Variants in LETMD1 observed in about 807,000 individuals in gnomAD.
The protein encoded by LETMD1 is LETM1 domain containing 1.
Under a neutral mutation model 43.9 loss-of-function variants are expected in LETMD1, and 30 were observed. The ratio of observed to expected loss-of-function variants is 0.68; its 90% CI spans 0.51 to 0.93. LETMD1 has a LOEUF of 0.93. LETMD1 is among the 40% of genes least tolerant of loss of function. LETMD1 has a pLI of 0.00. For missense variants in LETMD1, 413 were observed against 447.7 expected, an observed-to-expected ratio of 0.92 and a Z score of 0.70; for synonymous variants, 176 against 163.1, an observed-to-expected ratio of 1.08 and a Z score of -0.60.
At chr12:51,056,556 A>G (rs767634451) in intron 7 of LETMD1, 54 bp downstream of exon 7, 17 of 1,603,418 alleles carry the variant, frequency 1.1e-5, no homozygotes, top group East Asian at 4.5e-5. Context: ...TTTTGAGCCT[A>G]TGGCAGGCCG....
At chr12:51,053,913 A>T (rs1946888895) in intron 4 of LETMD1, 53 bp downstream of exon 4, 2 of 1,219,596 alleles carry the variant, frequency 1.6e-6, no homozygotes, top group South Asian at 1.3e-5. Flanking sequence ...CAATTTTTTT[A>T]AATTAAGAAT....
At chr12:51,060,762 C>T (rs1173996356), downstream of LETMD1, among the ~76,000 whole-genome samples, 2 of 151,976 alleles carry the variant, frequency 1.3e-5, no homozygotes, top group African/African-American at 4.8e-5. Flanking sequence ...ATTAGCCAGG[C>T]GTGGTGGTGG....
intron 4 of LETMD1, among the ~76,000 whole-genome samples, chr12:51,055,174 A>G (rs1246232179): frequency 6.6e-6 from 1 of 152,162 alleles, no homozygotes; most frequent in African/African-American, 2.4e-5. Context: ...TAGATTGTCA[A>G]CATCACATAT....
downstream of LETMD1, among the ~76,000 whole-genome samples, chr12:51,060,688 G>A (rs1464500649): frequency 1.3e-5 from 2 of 152,070 alleles, no homozygotes; most frequent in Admixed American, 6.6e-5. Flanking sequence ...GGATCACAAG[G>A]TCAGGAGATC....
At chr12:51,065,128 G>A (rs1938019549), downstream of LETMD1, among the ~76,000 whole-genome samples, 1 of 152,206 alleles carries the variant, frequency 6.6e-6, no homozygotes. Flanking sequence ...AGGCATGGGA[G>A]AGTGAGTGGA....
intron 2 of LETMD1, 121 bp from the exon 3 acceptor site, chr12:51,051,971 C>CT (rs1946301530): frequency 4.9e-6 from 4 of 809,292 alleles, no homozygotes; most frequent in Admixed American, 5.9e-5. Flanking sequence ...TAGTTTAAAG[C>CT]TTTGAGTATC....
At chr12:51,049,663 A>G (rs150591703) in intron 2 of LETMD1, among the ~76,000 whole-genome samples, 6 of 152,340 alleles carry the variant, frequency 3.9e-5, no homozygotes, top group African/African-American at 1.4e-4. Context: ...CTTAGTTACT[A>G]GGAGAAGATA....
chr12:51,049,086 T>C lies in LETMD1; in HGVS notation c.175T>C (p.Tyr59His), dbSNP rs763839344. Reference protein sequence around the residue: ...PKADVKNLMSYVVTKTKAING... With the variant: ...PKADVKNLMSHVVTKTKAING... ...GGCAGATGTGAAGAACTTGATGTCT[T>C]ATGTGGTAACCAAGACAAAAGCGAT... The change falls in exon 2 of 9, where the codon TAT becomes CAT. Residue 59 changes from tyrosine (Y) to histidine (H), a missense_variant. Transcript: ENST00000262055. The C allele has an allele frequency of 1.2e-6, 2 of 1,614,132 alleles. No homozygotes were observed. Among genetic ancestry groups the C allele is most frequent in the Admixed American group, 1.7e-5 (1 of 60,008 alleles).
intron 3 of LETMD1, 104 bp downstream of exon 3, chr12:51,052,311 T>C: frequency 2.9e-6 from 4 of 1,383,836 alleles, no homozygotes; most frequent in Non-Finnish European, 2.9e-6. Context: ...TTGATCAAGC[T>C]TTTGCCCTTT....
rs781737041 is a variant in LETMD1, at chr12:51,056,397, C to T, written c.810C>T (p.Pro270=). 1.2e-6 allele frequency: 2 copies of T among 1,614,108 alleles called. No homozygotes were observed. Among genetic ancestry groups the T allele is most frequent in the Non-Finnish European group, 1.7e-6 (2 of 1,180,046 alleles). Residue 270 remains proline, a synonymous_variant, in exon 7 of 9, where the codon CCC becomes CCT. Coordinates refer to ENST00000262055, the MANE Select transcript of LETMD1 (RefSeq NM_015416.5). ...AMLLTSYLPP[P]LLRHRLKTHT... ...TTCTCACATCTTACCTGCCTCCTCC[C>T]TTGTTGAGACATCGTTTGAAGACTC...
the LETMD1 span, among the ~76,000 whole-genome samples, chr12:51,066,363 G>A: frequency 6.7e-6 from 1 of 150,128 alleles, no homozygotes; most frequent in Non-Finnish European, 1.5e-5. Flanking sequence ...TGAGGCAGGA[G>A]AATTGCTTGA....
chr12:51,054,605 A>G (rs1201248422), intron 4 of LETMD1, among the ~76,000 whole-genome samples: 1 of 152,174 alleles, frequency 6.6e-6, no homozygotes, highest in Non-Finnish European at 1.5e-5. Flanking sequence ...TCCAAGAGTG[A>G]GGGGTTCTAG....
In LETMD1 at chr12:51,056,465, T is replaced by TG; in HGVS notation, c.882dup (p.Ile295AspfsTer25). On this transcript the variant is annotated frameshift_variant, in exon 7 of 9. Coordinates refer to ENST00000262055, the MANE Select transcript of LETMD1 (RefSeq NM_015416.5). LOFTEE classifies it high-confidence loss of function. Reference sequence around the variant, plus strand: ...CAACTGGACAAGGCTTTGGCAAAGCTGGGGATTGGCCAGCTGACTGCTCAG... The same window carrying TG: ...CAACTGGACAAGGCTTTGGCAAAGCTGGGGGATTGGCCAGCTGACTGCTCAG... 1 of 1,614,158 alleles carries TG rather than the reference T, an allele frequency of 6.2e-7. No individual in the cohort carries two copies. The highest frequency in any genetic ancestry group is 8.5e-7 in the Non-Finnish European group (1 of 1,180,036).
chr12:51,063,863 G>A (rs376540049), downstream of LETMD1: 30 of 1,613,990 alleles, frequency 1.9e-5, no homozygotes, highest in Admixed American at 3.3e-5. Context: ...GGAGGCTTGA[G>A]GGGGACCAGG....
rs771381418 is a variant in LETMD1, at chr12:51,049,055, T to C, written c.144T>C (p.Ser48=). ...GTAGGTCTTCAAAGCTTCACCTTTC[T>C]CCAAAGGCAGATGTGAAGAACTTGA... ...GAPRSSKLHL[S]PKADVKNLMS... Residue 48 remains serine (S), a synonymous_variant, in exon 2 of 9, where the codon TCT becomes TCC. Transcript: ENST00000262055. 2 of 1,613,930 alleles carry C rather than the reference T, an allele frequency of 1.2e-6. No individual in the cohort carries two copies. The highest frequency in any genetic ancestry group is 2.7e-5 in the African/African-American group (2 of 74,908).
At chr12:51,052,813 T>C (rs1266373732) in intron 3 of LETMD1, among the ~76,000 whole-genome samples, 1 of 149,252 alleles carries the variant, frequency 6.7e-6, no homozygotes, top group African/African-American at 2.5e-5. Flanking sequence ...AAAATAGAAG[T>C]CTGCAAGGGC....
downstream of LETMD1, among the ~76,000 whole-genome samples, chr12:51,065,288 A>G (rs931764192): frequency 3.9e-5 from 6 of 152,200 alleles, no homozygotes; most frequent in African/African-American, 2.4e-5. Flanking sequence ...TTAGTTCTGA[A>G]GCAGTTACCA....
At chr12:51,067,642 G>T in the LETMD1 span, 2 of 1,601,668 alleles carry the variant, frequency 1.2e-6, no homozygotes, top group Non-Finnish European at 1.7e-6. This position sits in a 1 kb window ranked among gnomAD's most constrained non-coding sequence, Gnocchi z 4.1. Flanking sequence ...CCCTGGTGTA[G>T]ATATACTATC....
intron 4 of LETMD1, among the ~76,000 whole-genome samples, chr12:51,054,322 C>T (rs545373036): frequency 1.3e-5 from 2 of 152,262 alleles, no homozygotes; most frequent in Non-Finnish European, 1.5e-5. Context: ...ATAAAACAAT[C>T]GTATAAATCA....
Sources: gnomAD v4.1 joint callset for allele counts (sites outside exome capture counted in the v4.1 genomes callset) on GRCh38, gnomAD v4.1.1 for gene constraint, Gnocchi (gnomAD v3.1) non-coding constraint, MANE v1.5 for transcripts, NCBI Gene and HGNC (gene_info 2026-07-23, HGNC 2026-07-21) for gene names.